COL5A2: variants seen among roughly 807,000 people sequenced by gnomAD.
COL5A2 encodes the protein collagen alpha-2(V) chain.
A neutral mutation model predicts 208.2 loss-of-function variants in COL5A2; 23 were observed. The ratio of observed to expected loss-of-function variants is 0.11; its 90% confidence interval spans 0.08 to 0.16. The LOEUF is 0.16. COL5A2 is among the 10% of genes least tolerant of loss of function. The pLI is 1.00. For synonymous variants in COL5A2, 625 were observed against 628.5 expected, an observed-to-expected ratio of 0.99 and a Z score of 0.08; for missense variants, 1,590 against 1,956.4, an observed-to-expected ratio of 0.81 and a Z score of 3.53.
At chr2:189,053,049 T>G in intron 38 of COL5A2, 31 bp from the exon 39 acceptor site, 3 of 1,505,066 alleles carry the variant, frequency 2.0e-6, no homozygotes, top group Non-Finnish European at 2.8e-6. Flanking sequence ...AAGCAATTGA[T>G]TATAAGACTT....
chr2:189,222,659 G>A (rs1385085357), intron 1 of COL5A2, among the ~76,000 whole-genome samples: 1 of 152,052 alleles, frequency 6.6e-6, no homozygotes, highest in Admixed American at 6.6e-5. Flanking sequence ...AACTAGGCTG[G>A]GCACTTGAGA....
chr2:189,267,557 C>T, the COL5A2 span, among the ~76,000 whole-genome samples: 13 of 152,044 alleles, frequency 8.6e-5, no homozygotes, highest in African/African-American at 2.7e-4. Context: ...TTTCATGTAA[C>T]GTACCCATCA....
the COL5A2 span, among the ~76,000 whole-genome samples, chr2:189,283,575 T>C: frequency 6.6e-6 from 1 of 151,716 alleles, no homozygotes; most frequent in East Asian, 1.9e-4. Context: ...GAAAATCTGA[T>C]GACTACATGT....
chr2:189,157,180 T>C (rs1238032117), intron 1 of COL5A2, among the ~76,000 whole-genome samples: 3 of 106,842 alleles, frequency 2.8e-5, no homozygotes, highest in African/African-American at 1.9e-4. Context: ...TATCTATATA[T>C]ATAGCTTAGC....
chr2:189,099,932 T>C (rs1399402792), intron 4 of COL5A2, among the ~76,000 whole-genome samples, 175 bp downstream of exon 4: 1 of 152,194 alleles, frequency 6.6e-6, no homozygotes, highest in Non-Finnish European at 1.5e-5. Flanking sequence ...ACACAGAATA[T>C]CAAATATTGT....
chr2:189,361,118 C>T, the COL5A2 span, among the ~76,000 whole-genome samples: 6 of 151,924 alleles, frequency 3.9e-5, no homozygotes, highest in Non-Finnish European at 8.8e-5. Flanking sequence ...GCTGTTAGGT[C>T]CACTTGGTCT....
rs71020980 is a variant in COL5A2, at chr2:189,059,585, G to GTTTTTTTTTTTTTT, written c.2086-706_2086-693dup. On this transcript the variant is annotated intron_variant, in intron 31 of 53. Transcript: ENST00000374866. ...AAAAACCCTTCTTTTTTCTTTTCTG[G>GTTTTTTTTTTTTTT]TTTTTTTTTTTTTTTTTTTTTTTTT... Among the ~76,000 whole-genome samples the GTTTTTTTTTTTTTT allele has an allele frequency of 2.7e-3, 77 of 28,640 alleles. 27 individuals are homozygous for GTTTTTTTTTTTTTT. The highest frequency in any genetic ancestry group is 4.5e-3 in the Non-Finnish European group (61 of 13,524). 18.8% of individuals were successfully genotyped at this position (28,640 alleles called of 152,430 possible).
chr2:189,203,722 C>A (rs2105859810), intron 1 of COL5A2, among the ~76,000 whole-genome samples: 1 of 152,154 alleles, frequency 6.6e-6, no homozygotes, highest in African/African-American at 2.4e-5. Context: ...ACTCTTTAGC[C>A]TAAAAGAGAC....
At chr2:189,329,007 T>C in the COL5A2 span, among the ~76,000 whole-genome samples, 1 of 152,142 alleles carries the variant, frequency 6.6e-6, no homozygotes, top group Non-Finnish European at 1.5e-5. Context: ...CTAAAGGAAA[T>C]GAAATCAGTA....
chr2:189,104,161 G>A, intron 3 of COL5A2, 103 bp downstream of exon 3: 1 of 848,110 alleles, frequency 1.2e-6, no homozygotes, highest in Admixed American at 1.7e-5. Context: ...ATGGTACTTT[G>A]TACTTTTCAA....
intron 1 of COL5A2, among the ~76,000 whole-genome samples, chr2:189,129,841 G>T (rs898575423): frequency 2.0e-5 from 3 of 151,994 alleles, no homozygotes; most frequent in African/African-American, 7.2e-5. Flanking sequence ...GCCCTCATGT[G>T]GCTTACACTT....
At chr2:189,311,166 C>G in the COL5A2 span, 3 of 702,316 alleles carry the variant, frequency 4.3e-6, no homozygotes, top group Non-Finnish European at 7.3e-6. Context: ...CACTGCACAG[C>G]CACTTTACAA....
At chr2:189,103,948 T>A (rs780279691) in intron 3 of COL5A2, among the ~76,000 whole-genome samples, 1 of 151,996 alleles carries the variant, frequency 6.6e-6, no homozygotes, top group Admixed American at 6.6e-5. Flanking sequence ...ACTTCTAATA[T>A]GTGCAAAGTA....
chr2:189,036,759 T>C lies in COL5A2; in HGVS notation c.3970A>G (p.Ile1324Val). 1 of 1,613,676 alleles carries C rather than the reference T, an allele frequency of 6.2e-7. No homozygotes were observed. Among genetic ancestry groups the C allele is most frequent in the Middle Eastern group, 1.6e-4 (1 of 6,062 alleles). ...GTTTCCATGTTGCAGTAAACTTTGA[T>C]TGCATCTTCAACAGATCCTTGGTTA... ...DPNQGSVEDA[I>V]KVYCNMETGE... The change falls in exon 52 of 54, where the codon ATC becomes GTC. Residue 1324 changes from isoleucine to valine, a missense_variant. By Grantham distance (29) the Ile-to-Val change is conservative (BLOSUM62 3). Transcript: ENST00000374866.
chr2:189,206,528 C>A (rs1689145613), intron 1 of COL5A2, among the ~76,000 whole-genome samples: 1 of 151,950 alleles, frequency 6.6e-6, no homozygotes, highest in East Asian at 1.9e-4. Flanking sequence ...CAAAATACAC[C>A]CTGGGATGGA....
At chr2:189,161,111 C>T (rs551015089) in intron 1 of COL5A2, among the ~76,000 whole-genome samples, 30 of 150,890 alleles carry the variant, frequency 2.0e-4, no homozygotes, top group African/African-American at 5.8e-4. Context: ...TGGGCCACCG[C>T]GCCCGGCTGT....
the COL5A2 span, among the ~76,000 whole-genome samples, chr2:189,392,937 GAA>G: frequency 6.6e-6 from 1 of 152,092 alleles, no homozygotes; most frequent in Non-Finnish European, 1.5e-5. Context: ...ATCTGTAAGA[GAA>G]AAAGTCTGTA....
chr2:189,063,336 G>T, intron 26 of COL5A2, 66 bp from the exon 27 acceptor site: 1 of 1,280,398 alleles, frequency 7.8e-7, no homozygotes, highest in Non-Finnish European at 1.1e-6. Context: ...ATCACCCAAA[G>T]TGTCACCTTT....
Position 189,043,191 on chromosome 2 carries a change from T to C in COL5A2, c.3431A>G (p.His1144Arg), listed in dbSNP as rs1418496907. The C allele has an allele frequency of 6.2e-7, 1 of 1,613,842 alleles. No individual in the cohort carries two copies. Among genetic ancestry groups the C allele is most frequent in the Non-Finnish European group, 8.5e-7 (1 of 1,179,886 alleles). ...ACCCTGAAGACCAGTAAAGCCTCTGTGGCCCTTCTGACCTCTGTCACCTCG... is the reference window on the plus strand; with the variant it reads ...ACCCTGAAGACCAGTAAAGCCTCTGCGGCCCTTCTGACCTCTGTCACCTCG... ...GDRGDRGQKGHRGFTGLQGLP... is the reference protein window; with the variant it reads ...GDRGDRGQKGRRGFTGLQGLP... The change falls in exon 48 of 54, where the codon CAC (histidine) becomes CGC (arginine). Residue 1144 changes from histidine (H) to arginine (R), a missense_variant. Physicochemically the swap from His to Arg is conservative, Grantham distance 29. Coordinates refer to ENST00000374866, the MANE Select transcript of COL5A2 (RefSeq NM_000393.5).
Sources: allele counts gnomAD v4.1 joint callset (sites outside exome capture counted in the v4.1 genomes callset), GRCh38; gene constraint gnomAD v4.1.1; transcripts MANE v1.5; gene names NCBI Gene and HGNC (gene_info 2026-07-23, HGNC 2026-07-21).